The following TRRAP variants were observed in gnomAD, a reference collection of about 807,000 sequenced individuals.
TRRAP encodes the protein transformation/transcription domain associated protein, also known as transformation/transcription domain-associated protein.
Under a neutral mutation model 438.8 loss-of-function variants are expected in TRRAP, and 41 were observed. The ratio of observed to expected loss-of-function variants is 0.09; its 90% CI spans 0.07 to 0.12. The LOEUF (loss-of-function observed/expected upper bound fraction) is 0.12, where lower values mean the gene tolerates loss of function less well. Among genes scored for constraint, TRRAP ranks in the 10% least tolerant of loss-of-function variants. The pLI is 1.00. For synonymous variants in TRRAP, 1,994 were observed against 1,962.9 expected, an observed-to-expected ratio of 1.02 and a Z score of -0.42; for missense variants, 3,122 against 5,055.1, an observed-to-expected ratio of 0.62 and a Z score of 11.60.
intron 65 of TRRAP, 87 bp downstream of exon 65, chr7:98,992,314 C>G: frequency 7.2e-7 from 1 of 1,387,118 alleles, no homozygotes; most frequent in South Asian, 1.2e-5. Flanking sequence ...CCGCAGCCAC[C>G]CCTGCCCTGC....
intron 3 of TRRAP, among the ~76,000 whole-genome samples, chr7:98,889,781 C>T (rs1289122724): frequency 6.6e-6 from 1 of 152,044 alleles, no homozygotes; most frequent in Non-Finnish European, 1.5e-5. Flanking sequence ...TCTTGAACTT[C>T]TGGGCTCAAG....
Position 98,967,053 on chromosome 7 carries a change from C to T in TRRAP, c.7189C>T (p.Arg2397Trp), listed in dbSNP as rs1249001672. The T allele has an allele frequency of 1.9e-6, 3 of 1,613,542 alleles. No homozygotes were observed. Among genetic ancestry groups the T allele is most frequent in the African/African-American group, 1.3e-5 (1 of 74,908 alleles). The change falls in exon 50 of 73, where the codon CGG becomes TGG. Residue 2397 changes from arginine (R) to tryptophan (W), a missense_variant. By Grantham distance (101) the Arg-to-Trp change is moderately radical. Coordinates refer to ENST00000456197, the MANE Select transcript of TRRAP (RefSeq NM_001375524.1). Reference sequence around the variant, plus strand: ...AAATTTCATACAGACACCTACACTCCGGGAGAAGTCCATTTTGCTTGTGAA... The same window carrying T: ...AAATTTCATACAGACACCTACACTCTGGGAGAAGTCCATTTTGCTTGTGAA... ...PMAANQTPTLREKSILLVKMM... is the reference protein window; with the variant it reads ...PMAANQTPTLWEKSILLVKMM...
At chr7:98,889,870 T>G (rs1295776009) in intron 3 of TRRAP, among the ~76,000 whole-genome samples, 1 of 152,166 alleles carries the variant, frequency 6.6e-6, no homozygotes, top group Non-Finnish European at 1.5e-5. Context: ...TATTCTACTT[T>G]TAAAATCAGT....
chr7:98,897,204 C>T (rs1796253513), intron 7 of TRRAP, among the ~76,000 whole-genome samples: 1 of 152,124 alleles, frequency 6.6e-6, no homozygotes, highest in Non-Finnish European at 1.5e-5. Flanking sequence ...CACTGCACTC[C>T]AGCCTGGGCA....
At chr7:98,942,892 C>A (rs1345637321) in intron 30 of TRRAP, 57 bp from the exon 31 acceptor site, 1 of 1,582,894 alleles carries the variant, frequency 6.3e-7, no homozygotes, top group African/African-American at 1.3e-5. Context: ...ATAGTAGTTT[C>A]CACCAGTGGA....
intron 58 of TRRAP, among the ~76,000 whole-genome samples, chr7:98,981,298 A>G (rs192522251): frequency 6.6e-6 from 1 of 152,288 alleles, no homozygotes; most frequent in African/African-American, 2.4e-5. Context: ...GCTGCTCAGG[A>G]GGCTGAGGCA....
chr7:98,959,639 T>G, intron 45 of TRRAP, 149 bp downstream of exon 45: 6 of 1,145,772 alleles, frequency 5.2e-6, no homozygotes, highest in Non-Finnish European at 7.3e-6. Flanking sequence ...TCATGGCCTC[T>G]CCCACATTGG....
At chr7:98,995,623 A>G (rs936267300) in intron 67 of TRRAP, among the ~76,000 whole-genome samples, 2 of 151,744 alleles carry the variant, frequency 1.3e-5, no homozygotes, top group African/African-American at 4.8e-5. Context: ...TCCTCTGTCA[A>G]ACAGGGATCC....
chr7:98,903,396 T>C lies in TRRAP; in HGVS notation c.915T>C (p.Tyr305=). Residue 305 remains tyrosine (Y), a synonymous_variant, in exon 12 of 73, where the codon TAT becomes TAC. Coordinates refer to ENST00000456197, the MANE Select transcript of TRRAP (RefSeq NM_001375524.1). The part of the protein sequence containing the change: ...IRIYQELVTK[Y]SQQMVKGMLQ... Reference sequence around the variant, plus strand: ...TCTTACAGGAGTTGGTGACTAAGTATTCTCAGCAGATGGTGAAAGGAATGC... The same window carrying C: ...TCTTACAGGAGTTGGTGACTAAGTACTCTCAGCAGATGGTGAAAGGAATGC... The C allele has an allele frequency of 6.2e-7, 1 of 1,614,248 alleles. No individual in the cohort carries two copies. Among genetic ancestry groups the C allele is most frequent in the South Asian group, 1.1e-5 (1 of 91,086 alleles).
In TRRAP at chr7:99,012,284, A is replaced by G; in HGVS notation, c.11551A>G (p.Thr3851Ala). 6.2e-7 allele frequency: 1 copy of G among 1,613,340 alleles called. No individual in the cohort carries two copies. Among genetic ancestry groups the G allele is most frequent in the Non-Finnish European group, 8.5e-7 (1 of 1,179,824 alleles). ...CGAAGGCGGGGAAAGCAAGGTGAAC[A>G]CCCTGGTGGCCGCGGCAAACAGCCT... ...QFEGGESKVN[T>A]LVAAANSLDN... Residue 3851 changes from threonine (T) to alanine (A), a missense_variant, in exon 73 of 73, where the codon ACC (threonine) becomes GCC (alanine). By Grantham distance (58) the Thr-to-Ala change is moderately conservative (BLOSUM62 0). This residue lies in a region of TRRAP where 192 missense variants were observed against 355.6 expected (regional missense o/e 0.54). Coordinates refer to ENST00000456197, the MANE Select transcript of TRRAP (RefSeq NM_001375524.1). This position sits in a 1 kb window ranked among gnomAD's most constrained non-coding sequence, Gnocchi z 5.9.
In TRRAP at chr7:98,958,025, C is replaced by G; in HGVS notation, c.6276C>G (p.Leu2092=). Residue 2092 remains leucine, a synonymous_variant, in exon 44 of 73, where the codon CTC becomes CTG. Coordinates refer to ENST00000456197, the MANE Select transcript of TRRAP (RefSeq NM_001375524.1). ...SQSLPGADSL[L]AKPIDKQHTD... ...CGCTACCTGGAGCAGACTCTCTCCT[C>G]GCCAAGCCCATTGACAAGCAGCACA... 1.2e-6 allele frequency: 2 copies of G among 1,614,208 alleles called. No individual in the cohort carries two copies. Among genetic ancestry groups the G allele is most frequent in the Non-Finnish European group, 1.7e-6 (2 of 1,180,038 alleles).
Position 98,948,655 on chromosome 7 carries a change from G to C in TRRAP, c.4758G>C (p.Leu1586=). 1.9e-6 allele frequency: 3 copies of C among 1,614,208 alleles called. No homozygotes were observed. The highest frequency in any genetic ancestry group is 2.5e-6 in the Non-Finnish European group (3 of 1,180,038). ...AGCTGTTCATGATGGAAGCCACACT[G>C]AACGATCCCCAGTGGAGCAGAATGT... ...TVELFMMEAT[L]NDPQWSRMFM... is the part of the protein sequence containing the mutation. Residue 1586 remains leucine (L), a synonymous_variant, in exon 35 of 73, where the codon CTG becomes CTC. Transcript: ENST00000456197. This position sits in a 1 kb window ranked among gnomAD's most constrained non-coding sequence, Gnocchi z 4.9.
chr7:98,985,030 G>A lies in TRRAP; in HGVS notation c.9375G>A (p.Leu3125=). The A allele has an allele frequency of 6.2e-7, 1 of 1,610,228 alleles. No individual in the cohort carries two copies. Among genetic ancestry groups the A allele is most frequent in the Non-Finnish European group, 8.5e-7 (1 of 1,177,286 alleles). ...TTTATGCACTGAAGGGAATGTTCTT[G>A]GCTCAGATCAACAAGTATGTATGTT... ...AEFYALKGMF[L]AQINKSEEAN... The change falls in exon 62 of 73, where the codon TTG becomes TTA. Residue 3125 remains leucine, a synonymous_variant. Coordinates refer to ENST00000456197, the MANE Select transcript of TRRAP (RefSeq NM_001375524.1).
intron 67 of TRRAP, among the ~76,000 whole-genome samples, chr7:99,001,934 A>G (rs538711214): frequency 6.6e-6 from 1 of 152,330 alleles, no homozygotes; most frequent in South Asian, 2.1e-4. Context: ...TATTGAATAC[A>G]TTAGAAACAC....
At chr7:98,944,444 G>A (rs1371258309) in intron 31 of TRRAP, among the ~76,000 whole-genome samples, 1 of 152,180 alleles carries the variant, frequency 6.6e-6, no homozygotes, top group Admixed American at 6.5e-5. Context: ...CGTGGATACT[G>A]GGAAGTCCTT....
rs145619183 is a variant in TRRAP, at chr7:99,011,506, G to A, written c.11308G>A (p.Ala3770Thr). 3 of 1,613,930 alleles carry A rather than the reference G, an allele frequency of 1.9e-6. No individual in the cohort carries two copies. The highest frequency in any genetic ancestry group is 1.3e-5 in the African/African-American group (1 of 74,922). Residue 3770 changes from alanine (A) to threonine (T), a missense_variant, in exon 72 of 73, where the codon GCC becomes ACC. By Grantham distance (58) the Ala-to-Thr change is moderately conservative (BLOSUM62 0). Coordinates refer to ENST00000456197, the MANE Select transcript of TRRAP (RefSeq NM_001375524.1). This position sits in a 1 kb window ranked among gnomAD's most constrained non-coding sequence, Gnocchi z 7.1. ...GPLTASMIAVARCFAQPNFKV... is the reference protein window; with the variant it reads ...GPLTASMIAVTRCFAQPNFKV... The stretch of plus-strand genomic sequence containing the variant: ...GTTGACAGCGTCCATGATTGCGGTC[G>A]CCCGGTGCTTCGCCCAGCCAAACTT...
Position 98,908,765 on chromosome 7 carries a change from C to G in TRRAP, c.1153C>G (p.His385Asp). 1 of 1,569,736 alleles carries G rather than the reference C, an allele frequency of 6.4e-7. No individual in the cohort carries two copies. Among genetic ancestry groups the G allele is most frequent in the Non-Finnish European group, 8.6e-7 (1 of 1,157,770 alleles). Reference sequence around the variant, plus strand: ...CAGCACGCTGGCCGACCTCGTGCACCATGTCCGCCAGCACCTGCCCCTCAG... The same window carrying G: ...CAGCACGCTGGCCGACCTCGTGCACGATGTCCGCCAGCACCTGCCCCTCAG... ...AYSTLADLVH[H>D]VRQHLPLSDL... is the part of the protein sequence containing the mutation. The change falls in exon 14 of 73, where the codon CAT becomes GAT. Residue 385 changes from histidine (H) to aspartate (D), a missense_variant. By Grantham distance (81) the His-to-Asp change is moderately conservative. This residue lies in a region of TRRAP where 343 missense variants were observed against 564.0 expected (regional missense o/e 0.61). Transcript: ENST00000456197. This position sits in a 1 kb window ranked among gnomAD's most constrained non-coding sequence, Gnocchi z 4.1.
At position 98,937,291 on chromosome 7, in the gene TRRAP, C is replaced by T. The variant is rs200211041; in HGVS notation, c.4233+14C>T. 33 of 1,605,968 alleles carry T rather than the reference C, an allele frequency of 2.1e-5. No individual in the cohort carries two copies. Among genetic ancestry groups the T allele is most frequent in the East Asian group, 6.7e-5 (3 of 44,568 alleles). On this transcript the variant is annotated intron_variant, in intron 29 of 72. Coordinates refer to ENST00000456197, the MANE Select transcript of TRRAP (RefSeq NM_001375524.1). ...TGTATGAGAAAGGTGAGTGTGTGTG[C>T]GTGCGTGTATGCGCACGCGTGTGTG...
intron 51 of TRRAP, 114 bp downstream of exon 51, chr7:98,967,812 C>A: frequency 1.1e-6 from 1 of 916,682 alleles, no homozygotes; most frequent in Non-Finnish European, 1.6e-6. Context: ...ATCTCCAGCA[C>A]AAACCTGCTT....
Sources: gnomAD v4.1 joint callset for allele counts (sites outside exome capture counted in the v4.1 genomes callset) on GRCh38, gnomAD v4.1.1 for gene constraint, gnomAD v4.1.1 regional missense constraint, Gnocchi (gnomAD v3.1) non-coding constraint, MANE v1.5 for transcripts, NCBI Gene and HGNC (gene_info 2026-07-23, HGNC 2026-07-21) for gene names.